Variants in COL15A1 observed in about 807,000 individuals in gnomAD.
The protein encoded by COL15A1 is collagen type XV alpha 1 chain.
In COL15A1, 111 loss-of-function variants were observed where a neutral mutation model predicts 165.9. That is an observed-to-expected ratio of 0.67 (90% confidence interval 0.57 to 0.78). The LOEUF (loss-of-function observed/expected upper bound fraction) is 0.78, where lower values mean the gene tolerates loss of function less well. COL15A1 is among the 30% of genes least tolerant of loss of function. The pLI, the probability that COL15A1 is intolerant of heterozygous loss-of-function variation, is 0.00. For missense variants in COL15A1, 1,745 were observed against 1,789.7 expected, an observed-to-expected ratio of 0.98 and a Z score of 0.45; for synonymous variants, 659 against 674.8, an observed-to-expected ratio of 0.98 and a Z score of 0.36.
intron 11 of COL15A1, among the ~76,000 whole-genome samples, chr9:99,017,207 C>G (rs1838951856): frequency 6.6e-6 from 1 of 152,244 alleles, no homozygotes; most frequent in South Asian, 2.1e-4. Flanking sequence ...CCAAGTTTAC[C>G]TGATTCTCTT....
At chr9:99,009,653 C>T (rs1256890427) in intron 9 of COL15A1, among the ~76,000 whole-genome samples, 1 of 151,862 alleles carries the variant, frequency 6.6e-6, no homozygotes, top group Non-Finnish European at 1.5e-5. Context: ...TAAAATAAGT[C>T]ATTCATTTAG....
At chr9:98,985,413 T>A in intron 2 of COL15A1, 152 bp from the exon 3 acceptor site, 1 of 744,724 alleles carries the variant, frequency 1.3e-6, no homozygotes, top group South Asian at 1.9e-5. Flanking sequence ...TTGTGGGTCG[T>A]TGTCAAAACG....
rs1837776969 is a variant in COL15A1, at chr9:98,956,394, G to A, written c.100+12144G>A. The stretch of plus-strand genomic sequence containing the variant: ...AATAATTATATAGTGCTTTTTATGT[G>A]CCAGGTGCTGTTTTAAGTTTTAATA... On this transcript the variant is annotated intron_variant, in intron 2 of 41. Transcript: ENST00000375001. Among the ~76,000 whole-genome samples, 8 of 152,138 alleles carry A rather than the reference G, an allele frequency of 5.3e-5. No homozygotes were observed. The South Asian group carries it at 1.2e-3, about 24-fold the overall frequency.
intron 2 of COL15A1, among the ~76,000 whole-genome samples, chr9:98,951,278 TC>T (rs1564005209): frequency 6.6e-6 from 1 of 152,074 alleles, no homozygotes; most frequent in Non-Finnish European, 1.5e-5. Context: ...TGGCAATATT[TC>T]CCCCCAAAGA....
At chr9:99,017,996 T>C (rs553651452) in intron 11 of COL15A1, among the ~76,000 whole-genome samples, 3 of 152,220 alleles carry the variant, frequency 2.0e-5, no homozygotes, top group Non-Finnish European at 4.4e-5. Context: ...AGAAGGGGAA[T>C]ACTGGAGTAT....
chr9:98,973,476 C>CT (rs1012525249), intron 2 of COL15A1, among the ~76,000 whole-genome samples: 26 of 152,280 alleles, frequency 1.7e-4, no homozygotes, highest in Admixed American at 1.4e-3. Flanking sequence ...GGAAACAGTT[C>CT]TTTTTTAAGA....
At chr9:98,959,274 G>T (rs567767726) in intron 2 of COL15A1, among the ~76,000 whole-genome samples, 7 of 151,530 alleles carry the variant, frequency 4.6e-5, no homozygotes, top group African/African-American at 1.7e-4. Flanking sequence ...TCTGGGTGTG[G>T]TGGCATGAAC....
At chr9:98,981,610 G>A (rs766506657) in intron 2 of COL15A1, among the ~76,000 whole-genome samples, 15 of 152,160 alleles carry the variant, frequency 9.9e-5, no homozygotes, top group Non-Finnish European at 1.8e-4. Flanking sequence ...ACACACCATG[G>A]TTCTACATTC....
At chr9:99,057,682 A>G (rs1564091423) in intron 35 of COL15A1, among the ~76,000 whole-genome samples, 1 of 152,216 alleles carries the variant, frequency 6.6e-6, no homozygotes, top group Non-Finnish European at 1.5e-5. Flanking sequence ...TCAGACCCAG[A>G]GCAGTGTAGC....
intron 2 of COL15A1, among the ~76,000 whole-genome samples, chr9:98,961,259 C>G (rs563504445): frequency 1.3e-5 from 2 of 152,164 alleles, no homozygotes; most frequent in Non-Finnish European, 2.9e-5. Flanking sequence ...CTCTAGGATC[C>G]TATAGTCTAA....
At chr9:98,994,068 C>T (rs759398814) in intron 5 of COL15A1, among the ~76,000 whole-genome samples, 8 of 148,296 alleles carry the variant, frequency 5.4e-5, no homozygotes, top group Non-Finnish European at 1.0e-4. Flanking sequence ...CTGTGGTTCT[C>T]AGCCCTGGCT....
chr9:99,037,782 A>C (rs1482620819), intron 21 of COL15A1, among the ~76,000 whole-genome samples: 1 of 152,186 alleles, frequency 6.6e-6, no homozygotes, highest in Non-Finnish European at 1.5e-5. Flanking sequence ...TGGAAAGCTG[A>C]GAAGGATTTT....
intron 11 of COL15A1, 79 bp downstream of exon 11, chr9:99,016,198 G>T (rs1374448255): frequency 1.4e-6 from 2 of 1,479,740 alleles, no homozygotes; most frequent in Non-Finnish European, 1.8e-6. Flanking sequence ...TGTGGGAAGG[G>T]CTGGCCCCCA....
At chr9:99,026,680 G>A (rs558005124) in intron 16 of COL15A1, among the ~76,000 whole-genome samples, 10 of 152,250 alleles carry the variant, frequency 6.6e-5, no homozygotes, top group African/African-American at 2.4e-4. Flanking sequence ...CTCCCTGTTT[G>A]GGATGTCCTT....
chr9:98,952,465 A>G (rs1837704162), intron 2 of COL15A1, among the ~76,000 whole-genome samples: 1 of 152,144 alleles, frequency 6.6e-6, no homozygotes, highest in Non-Finnish European at 1.5e-5. Flanking sequence ...TTGTGCATTT[A>G]TCTTTTTTCT....
At chr9:98,956,756 C>T (rs546486099) in intron 2 of COL15A1, among the ~76,000 whole-genome samples, 1 of 152,204 alleles carries the variant, frequency 6.6e-6, no homozygotes, top group Non-Finnish European at 1.5e-5. Context: ...GTCCATGGAC[C>T]AGCAGCATCA....
rs1839346214 is a variant in COL15A1, at chr9:99,038,605, G to T, written c.2410-63G>T. On this transcript the variant is annotated intron_variant, in intron 21 of 41. Transcript: ENST00000375001. Reference sequence around the variant, plus strand: ...GGGTGACTTTAATTAAAGCTTTGCTGCCAGGAACAAGGCAGAACACATGCC... The same window carrying T: ...GGGTGACTTTAATTAAAGCTTTGCTTCCAGGAACAAGGCAGAACACATGCC... The T allele has an allele frequency of 3.9e-6, 4 of 1,038,360 alleles. No homozygotes were observed. In the South Asian group the frequency reaches 3.9e-5, roughly 10 times the overall value. 64.3% of individuals were successfully genotyped at this position (1,038,360 alleles called of 1,614,324 possible). A position where few individuals can be genotyped will look rare whatever the true frequency, so the allele number is the denominator to read the frequency against.
chr9:99,003,074 G>A (rs575475783), intron 7 of COL15A1, among the ~76,000 whole-genome samples: 2 of 152,236 alleles, frequency 1.3e-5, no homozygotes, highest in Non-Finnish European at 2.9e-5. Flanking sequence ...GGAGGACAGA[G>A]GTGCTGCCTA....
At chr9:99,057,493 G>T (rs1332897918) in intron 35 of COL15A1, among the ~76,000 whole-genome samples, 1 of 152,150 alleles carries the variant, frequency 6.6e-6, no homozygotes, top group Non-Finnish European at 1.5e-5. Flanking sequence ...TATGTAATGA[G>T]CATGTATCAG....
Sources: gnomAD v4.1 joint callset for allele counts (sites outside exome capture counted in the v4.1 genomes callset) on GRCh38, gnomAD v4.1.1 for gene constraint, MANE v1.5 for transcripts, NCBI Gene and HGNC (gene_info 2026-07-23, HGNC 2026-07-21) for gene names.